PRDM5: variants seen among roughly 807,000 people sequenced by gnomAD.
PRDM5 encodes PR/SET domain 5.
In PRDM5, 56 loss-of-function variants were observed where a neutral mutation model predicts 81.2. The observed-to-expected ratio is 0.69, with a 90% CI of 0.56 to 0.86. The LOEUF (loss-of-function observed/expected upper bound fraction) is 0.86. Among genes scored for constraint, PRDM5 ranks in the 40% least tolerant of loss-of-function variants. PRDM5 has a pLI of 0.00. For missense variants in PRDM5, 697 were observed against 770.1 expected (o/e 0.91, Z 1.12); for synonymous variants, 267 against 256.4 (o/e 1.04, Z -0.39).
chr4:120,785,651 G>A (rs1172740145), intron 10 of PRDM5, among the ~76,000 whole-genome samples: 3 of 151,942 alleles, frequency 2.0e-5, no homozygotes, highest in African/African-American at 4.8e-5. Flanking sequence ...TTTAATTTGT[G>A]TCAAATGCTA....
At chr4:120,710,520 T>A in intron 14 of PRDM5, 107 bp from the exon 15 acceptor site, 1 of 878,782 alleles carries the variant, frequency 1.1e-6, no homozygotes, top group South Asian at 1.4e-5. Context: ...TGCAGCAAAT[T>A]TACAGGTATG....
In PRDM5 at chr4:120,922,719, G is replaced by C; in HGVS notation, c.-111C>G. On this transcript the variant is annotated 5_prime_UTR_variant, in exon 1 of 16. Coordinates refer to ENST00000264808, the MANE Select transcript of PRDM5 (RefSeq NM_018699.4). ...TAGAGGGGAGAAACCGGCAGGGAAG[G>C]AGGAAATGGAGTTTTCCTCCCAGAA... The C allele has an allele frequency of 7.1e-7, 1 of 1,418,232 alleles. No individual in the cohort carries two copies. The highest frequency in any genetic ancestry group is 9.7e-7 in the Non-Finnish European group (1 of 1,032,516). The allele number at this position is 1,418,232 out of a possible 1,614,324, so 87.9% of individuals were successfully genotyped here.
chr4:120,902,222 G>A (rs920754565), intron 2 of PRDM5, among the ~76,000 whole-genome samples: 5 of 152,174 alleles, frequency 3.3e-5, no homozygotes, highest in Non-Finnish European at 7.4e-5. Context: ...GTCAGAACAG[G>A]TAGCAAGGAA....
chr4:120,797,043 T>C lies in PRDM5; in HGVS notation c.1188+1224A>G, dbSNP rs1362843467. ...TTCAATTCAAGCATGATGTATTATC[T>C]ACATGATACATTCTGAAACAAGAAC... On this transcript the variant is annotated intron_variant, in intron 10 of 15. Transcript: ENST00000264808. Among the ~76,000 whole-genome samples the C allele has an allele frequency of 3.3e-5, 5 of 152,198 alleles. No individual in the cohort carries two copies. In the East Asian group the frequency reaches 7.7e-4, roughly 23 times the overall value.
intron 2 of PRDM5, among the ~76,000 whole-genome samples, chr4:120,886,102 G>A (rs1360028078): frequency 6.6e-6 from 1 of 152,112 alleles, no homozygotes; most frequent in Non-Finnish European, 1.5e-5. Context: ...ACTAATGTCA[G>A]GAAGAATGCA....
At chr4:120,794,402 A>G (rs1751034277) in intron 10 of PRDM5, among the ~76,000 whole-genome samples, 1 of 152,056 alleles carries the variant, frequency 6.6e-6, no homozygotes. Context: ...ATTTTTAGAA[A>G]CTTGTTACTG....
Position 120,765,301 on chromosome 4 carries a change from C to T in PRDM5, c.1538-10663G>A, listed in dbSNP as rs77893913. On this transcript the variant is annotated intron_variant, in intron 13 of 15. Coordinates refer to ENST00000264808, the MANE Select transcript of PRDM5 (RefSeq NM_018699.4). Reference sequence around the variant, plus strand: ...CCTAGAACAGAAGGGCCTACACAGTCGGTATCTATTAACACAGAAAGCTGG... The same window carrying T: ...CCTAGAACAGAAGGGCCTACACAGTTGGTATCTATTAACACAGAAAGCTGG... 6.7e-4 allele frequency among the ~76,000 whole-genome samples: 102 copies of T among 152,292 alleles called. 2 individuals are homozygous for T. The East Asian group carries it at 0.019, about 29-fold the overall frequency.
intron 14 of PRDM5, among the ~76,000 whole-genome samples, chr4:120,715,483 G>C (rs1182729552): frequency 6.6e-6 from 1 of 152,090 alleles, no homozygotes; most frequent in Non-Finnish European, 1.5e-5. Context: ...CCTCTAGTCT[G>C]AATAAACATA....
intron 2 of PRDM5, among the ~76,000 whole-genome samples, chr4:120,865,345 A>C (rs1215342406): frequency 3.3e-5 from 5 of 152,226 alleles, no homozygotes; most frequent in Non-Finnish European, 5.9e-5. Context: ...TAAGAAGAGT[A>C]GGGACAGACA....
At chr4:120,904,021 C>G (rs1212330575) in intron 2 of PRDM5, among the ~76,000 whole-genome samples, 2 of 151,674 alleles carry the variant, frequency 1.3e-5, no homozygotes, top group South Asian at 4.2e-4. Flanking sequence ...AGAACCCCGT[C>G]TCTACTAAAA....
At chr4:120,891,491 C>A (rs1056966485) in intron 2 of PRDM5, among the ~76,000 whole-genome samples, 1 of 151,994 alleles carries the variant, frequency 6.6e-6, no homozygotes, top group East Asian at 1.9e-4. Context: ...GCTTCTAGAC[C>A]CTTTGATCTT....
intron 2 of PRDM5, among the ~76,000 whole-genome samples, chr4:120,870,260 G>A (rs1040657889): frequency 1.3e-5 from 2 of 152,122 alleles, no homozygotes; most frequent in Non-Finnish European, 2.9e-5. Flanking sequence ...TTATGACCTC[G>A]AGTGAAAGAA....
At chr4:120,862,542 T>C (rs78096828) in intron 2 of PRDM5, among the ~76,000 whole-genome samples, 3,613 of 152,290 alleles carry the variant, frequency 0.024, 138 homozygotes, top group African/African-American at 0.082. Flanking sequence ...GGTACGTCTC[T>C]AGAATAAACC....
chr4:120,860,934 A>G lies in PRDM5; in HGVS notation c.178-7394T>C, dbSNP rs191515497. Among the ~76,000 whole-genome samples, 364 of 152,324 alleles carry G rather than the reference A, an allele frequency of 2.4e-3. 2 individuals are homozygous for G. The highest frequency in any genetic ancestry group is 4.2e-3 in the Non-Finnish European group (286 of 68,034). On this transcript the variant is annotated intron_variant, in intron 2 of 15. Coordinates refer to ENST00000264808, the MANE Select transcript of PRDM5 (RefSeq NM_018699.4). ...TTTAAATCCTGTTAAAGTTTTATGA[A>G]GCCTTAGCGTTGCCCAATTTTTAAT...
intron 2 of PRDM5, among the ~76,000 whole-genome samples, chr4:120,872,880 G>A: frequency 6.6e-6 from 1 of 152,222 alleles, no homozygotes; most frequent in Non-Finnish European, 1.5e-5. Context: ...CTGCAAGATA[G>A]AAAAGTTCTG....
At chr4:120,915,572 A>G (rs1252914997) in intron 1 of PRDM5, among the ~76,000 whole-genome samples, 8 of 152,196 alleles carry the variant, frequency 5.3e-5, no homozygotes, top group African/African-American at 1.4e-4. Context: ...CCTTTTTCTC[A>G]TATCAGAAGA....
intron 2 of PRDM5, among the ~76,000 whole-genome samples, chr4:120,886,293 C>T (rs1017656545): frequency 6.6e-5 from 10 of 152,148 alleles, no homozygotes; most frequent in African/African-American, 2.4e-4. Context: ...CTTCCATAAA[C>T]AATAAAGAAA....
intron 14 of PRDM5, among the ~76,000 whole-genome samples, chr4:120,724,828 GC>G: frequency 6.6e-6 from 1 of 152,292 alleles, no homozygotes; most frequent in East Asian, 1.9e-4. Context: ...ATTCATTTCA[GC>G]CAAGTTTATG....
At chr4:120,734,350 T>C (rs931868460) in intron 14 of PRDM5, among the ~76,000 whole-genome samples, 1 of 151,312 alleles carries the variant, frequency 6.6e-6, no homozygotes, top group African/African-American at 2.4e-5. Flanking sequence ...GATTCTTGAA[T>C]TGTGTTTTGT....
Sources: gnomAD v4.1 joint callset for allele counts (sites outside exome capture counted in the v4.1 genomes callset) on GRCh38, gnomAD v4.1.1 for gene constraint, MANE v1.5 for transcripts, NCBI Gene and HGNC (gene_info 2026-07-23, HGNC 2026-07-21) for gene names.